UBAC2: variants seen among roughly 807,000 people sequenced by gnomAD.
UBAC2 encodes UBA domain containing 2.
Under a neutral mutation model 44.0 loss-of-function variants are expected in UBAC2, and 26 were observed. The ratio of observed to expected loss-of-function variants is 0.59; its 90% confidence interval spans 0.43 to 0.82. The LOEUF is 0.82. Ranked by LOEUF, UBAC2 falls within the 40% of genes least tolerant of loss-of-function variation. The pLI, the probability that UBAC2 is intolerant of heterozygous loss-of-function variation, is 0.00. For synonymous variants in UBAC2, 155 were observed against 154.3 expected (o/e 1.00, Z -0.04); for missense variants, 329 against 419.4 (o/e 0.78, Z 1.88).
chr13:99,309,775 A>AT lies in UBAC2; in HGVS notation c.390-4315dup, dbSNP rs544838257. Among the ~76,000 whole-genome samples the AT allele has an allele frequency of 8.6e-5, 13 of 151,598 alleles. 1 individual carries two copies. In the South Asian group the frequency reaches 1.7e-3, roughly 19 times the overall value. ...GCCACCACGCCCAGCTAATTTTTGT[A>AT]TTTTTTTGTGTGTGTGTGTGGAGAC... On this transcript the variant is annotated intron_variant, in intron 4 of 8. Transcript: ENST00000403766.
chr13:99,323,178 G>A (rs914897627), intron 6 of UBAC2, among the ~76,000 whole-genome samples: 1 of 151,968 alleles, frequency 6.6e-6, no homozygotes, highest in African/African-American at 2.4e-5. Context: ...CTTCTCCATT[G>A]ACCAAAGAGT....
At chr13:99,299,185 G>A (rs2138726125) in intron 4 of UBAC2, among the ~76,000 whole-genome samples, 1 of 152,304 alleles carries the variant, frequency 6.6e-6, no homozygotes, top group South Asian at 2.1e-4. Context: ...GCAGCATCTA[G>A]CAGAGCCAGA....
chr13:99,266,180 T>C (rs2043741448), intron 4 of UBAC2, among the ~76,000 whole-genome samples: 1 of 151,750 alleles, frequency 6.6e-6, no homozygotes, highest in Admixed American at 6.6e-5. Context: ...AATATTTTAA[T>C]GTTACTTTAT....
At chr13:99,300,185 C>T (rs1337962051) in intron 4 of UBAC2, among the ~76,000 whole-genome samples, 1 of 152,240 alleles carries the variant, frequency 6.6e-6, no homozygotes, top group Non-Finnish European at 1.5e-5. Flanking sequence ...TGTGGCCACA[C>T]ATCATTGAGC....
intron 6 of UBAC2, among the ~76,000 whole-genome samples, chr13:99,327,966 C>T (rs2138799771): frequency 6.6e-6 from 1 of 152,264 alleles, no homozygotes; most frequent in Middle Eastern, 3.4e-3. Flanking sequence ...GGAAAGCAGT[C>T]TCCTGACCAT....
intron 4 of UBAC2, among the ~76,000 whole-genome samples, chr13:99,262,738 A>AGG: frequency 7.0e-6 from 1 of 143,674 alleles, no homozygotes; most frequent in South Asian, 2.2e-4. Context: ...AAAAAAAAAA[A>AGG]AAGGACTTGT....
At chr13:99,284,939 C>G (rs2138693711) in intron 4 of UBAC2, among the ~76,000 whole-genome samples, 2 of 152,168 alleles carry the variant, frequency 1.3e-5, no homozygotes, top group Admixed American at 1.3e-4. Context: ...TTCAGTGACA[C>G]AAGCAGAGAG....
intron 6 of UBAC2, among the ~76,000 whole-genome samples, chr13:99,338,047 C>CTTTTTCTTT (rs2044821100): frequency 2.0e-5 from 1 of 48,866 alleles, no homozygotes; most frequent in East Asian, 6.0e-4. Context: ...TTCTTTTTTT[C>CTTTTTCTTT]TTTTTTTTTT....
chr13:99,341,367 G>GT (rs944050587), intron 7 of UBAC2, among the ~76,000 whole-genome samples: 54 of 145,136 alleles, frequency 3.7e-4, no homozygotes, highest in African/African-American at 1.3e-3. Flanking sequence ...GTGAAATCAG[G>GT]TTTGAGGTCC....
chr13:99,224,938 A>C (rs1033597084), intron 1 of UBAC2, among the ~76,000 whole-genome samples: 1 of 152,134 alleles, frequency 6.6e-6, no homozygotes, highest in Admixed American at 6.5e-5. Flanking sequence ...GTGATGTGCA[A>C]CTGTTTGGAT....
At chr13:99,244,408 C>CACACAT (rs1408162177) in intron 3 of UBAC2, 107 bp from the exon 4 acceptor site, 22 of 645,674 alleles carry the variant, frequency 3.4e-5, no homozygotes, top group Non-Finnish European at 5.8e-5. Context: ...TATACACACA[C>CACACAT]ACACATACAT....
At chr13:99,328,345 A>C (rs1486793265) in intron 6 of UBAC2, among the ~76,000 whole-genome samples, 1 of 152,202 alleles carries the variant, frequency 6.6e-6, no homozygotes, top group Non-Finnish European at 1.5e-5. Context: ...GTGTGGACAT[A>C]TGTTTTCCTT....
intron 6 of UBAC2, among the ~76,000 whole-genome samples, chr13:99,322,742 G>A (rs547658231): frequency 6.6e-5 from 10 of 152,304 alleles, no homozygotes; most frequent in Admixed American, 4.6e-4. Flanking sequence ...AGTTTGGATT[G>A]TTTTCTGTAA....
At chr13:99,323,685 C>T (rs1216605798) in intron 6 of UBAC2, among the ~76,000 whole-genome samples, 1 of 152,156 alleles carries the variant, frequency 6.6e-6, no homozygotes, top group African/African-American at 2.4e-5. Context: ...CCTTTTTCCT[C>T]CCTCCCTCTC....
At chr13:99,343,654 T>A (rs548298099) in intron 7 of UBAC2, among the ~76,000 whole-genome samples, 32 of 152,324 alleles carry the variant, frequency 2.1e-4, no homozygotes, top group African/African-American at 7.7e-4. Context: ...ACCAGACTCT[T>A]GATTTTTTCC....
At chr13:99,367,282 G>A (rs2045343755) in intron 7 of UBAC2, among the ~76,000 whole-genome samples, 1 of 152,216 alleles carries the variant, frequency 6.6e-6, no homozygotes, top group Non-Finnish European at 1.5e-5. Context: ...CCTCCACTGT[G>A]TGCGCTCAGG....
At chr13:99,217,864 C>T (rs1367345691) in intron 1 of UBAC2, among the ~76,000 whole-genome samples, 1 of 152,196 alleles carries the variant, frequency 6.6e-6, no homozygotes, top group Non-Finnish European at 1.5e-5. Context: ...CCACCGAGCT[C>T]GTGCCCACCT....
At chr13:99,351,291 G>A (rs566744694) in intron 7 of UBAC2, among the ~76,000 whole-genome samples, 1 of 152,146 alleles carries the variant, frequency 6.6e-6, no homozygotes, top group African/African-American at 2.4e-5. Flanking sequence ...GTTATTACTC[G>A]TAAAAGCTTG....
At chr13:99,303,668 A>C (rs1160475587) in intron 4 of UBAC2, among the ~76,000 whole-genome samples, 1 of 152,218 alleles carries the variant, frequency 6.6e-6, no homozygotes, top group Non-Finnish European at 1.5e-5. Flanking sequence ...CTCTGTGTCT[A>C]TAATATTTCT....
Sources: gnomAD v4.1 joint callset for allele counts (sites outside exome capture counted in the v4.1 genomes callset) on GRCh38, gnomAD v4.1.1 for gene constraint, MANE v1.5 for transcripts, NCBI Gene and HGNC (gene_info 2026-07-23, HGNC 2026-07-21) for gene names.